XYLB: variants seen among roughly 807,000 people sequenced by gnomAD.
XYLB encodes the protein xylulose kinase.
XYLB carries 62 observed loss-of-function variants against 78.7 expected under a neutral mutation model. The ratio of observed to expected loss-of-function variants is 0.79; its 90% CI spans 0.64 to 0.97. The LOEUF is 0.97. XYLB is among the 50% of genes least tolerant of loss of function. The pLI is 0.00. For missense variants in XYLB, 687 were observed against 676.8 expected (o/e 1.02, Z -0.17); for synonymous variants, 245 against 247.4 (o/e 0.99, Z 0.09).
At chr3:38,435,170 A>T in the XYLB span, among the ~76,000 whole-genome samples, 5 of 152,336 alleles carry the variant, frequency 3.3e-5, no homozygotes, top group South Asian at 1.0e-3. Context: ...ATCAAACTGT[A>T]TGTTGCTTAC....
At chr3:38,428,486 T>C in the XYLB span, among the ~76,000 whole-genome samples, 2 of 152,214 alleles carry the variant, frequency 1.3e-5, no homozygotes, top group Non-Finnish European at 2.9e-5. Context: ...TTTCTTCATA[T>C]ACTTTGAGGT....
At chr3:38,372,384 C>G in intron 9 of XYLB, 4 of 985,178 alleles carry the variant, frequency 4.1e-6, no homozygotes, top group Non-Finnish European at 3.6e-6. Context: ...GGTTTGTTCT[C>G]TCTATCTTAA....
intron 3 of XYLB, 70 bp from the exon 4 acceptor site, chr3:38,362,867 C>A: frequency 7.4e-7 from 1 of 1,346,760 alleles, no homozygotes. Context: ...ACTTGCGTTT[C>A]AATTCTGAGG....
intron 15 of XYLB, among the ~76,000 whole-genome samples, chr3:38,380,459 T>C (rs1336950177): frequency 1.3e-5 from 2 of 152,226 alleles, no homozygotes. Flanking sequence ...CTCTGGGCTA[T>C]AGCTGTTGTC....
chr3:38,417,928 A>G (rs1437351235), downstream of XYLB, among the ~76,000 whole-genome samples: 2 of 151,122 alleles, frequency 1.3e-5, no homozygotes, highest in Non-Finnish European at 2.9e-5. Flanking sequence ...GTGGTGTCTC[A>G]TGTCTGTAAT....
At chr3:38,388,169 G>GT (rs71085320) in intron 15 of XYLB, among the ~76,000 whole-genome samples, 194 of 109,302 alleles carry the variant, frequency 1.8e-3, no homozygotes, top group African/African-American at 5.7e-3. Flanking sequence ...GTTTTTTTTT[G>GT]TTTTTTTTTT....
At chr3:38,395,122 G>C (rs1449012809) in intron 15 of XYLB, among the ~76,000 whole-genome samples, 1 of 152,202 alleles carries the variant, frequency 6.6e-6, no homozygotes, top group Non-Finnish European at 1.5e-5. Flanking sequence ...GGATTATGTG[G>C]AGGCCATTTT....
At chr3:38,393,084 A>G (rs1311300188) in intron 15 of XYLB, among the ~76,000 whole-genome samples, 1 of 152,168 alleles carries the variant, frequency 6.6e-6, no homozygotes, top group African/African-American at 2.4e-5. Flanking sequence ...CATTACTTGT[A>G]GTGCCCCCTT....
chr3:38,348,490 C>T, intron 1 of XYLB, 60 bp from the exon 2 acceptor site: 1 of 1,550,346 alleles, frequency 6.5e-7, no homozygotes, highest in Non-Finnish European at 8.9e-7. Context: ...GTTAGTACCC[C>T]CTGGACCAGT....
Position 38,360,378 on chromosome 3 carries a change from G to A in XYLB, c.180G>A (p.Thr60=), listed in dbSNP as rs144085897. 1.1e-5 allele frequency: 17 copies of A among 1,612,700 alleles called. No individual in the cohort carries two copies. The highest frequency in any genetic ancestry group is 6.7e-5 in the African/African-American group (5 of 74,870). Residue 60 remains threonine, a synonymous_variant, in exon 3 of 19, where the codon ACG becomes ACA. Transcript: ENST00000207870. ...GGVHVHKDGL[T]VTSPVLMWVQ... ...TTCATGTGCACAAGGATGGGCTGACGGTCACTTCTCCAGTACTAATGTGGG... is the reference window on the plus strand; with the variant it reads ...TTCATGTGCACAAGGATGGGCTGACAGTCACTTCTCCAGTACTAATGTGGG...
intron 2 of XYLB, among the ~76,000 whole-genome samples, chr3:38,351,593 T>G (rs1351104016): frequency 6.6e-6 from 1 of 152,198 alleles, no homozygotes; most frequent in Non-Finnish European, 1.5e-5. Flanking sequence ...AATATCTGTA[T>G]TCTTTCATGA....
At chr3:38,380,847 A>C (rs1707109806) in intron 15 of XYLB, among the ~76,000 whole-genome samples, 1 of 152,246 alleles carries the variant, frequency 6.6e-6, no homozygotes, top group Non-Finnish European at 1.5e-5. Flanking sequence ...TACTACACAC[A>C]AATGAAAATG....
chr3:38,384,255 G>A (rs143546580), intron 15 of XYLB, among the ~76,000 whole-genome samples: 13,201 of 152,076 alleles, frequency 0.087, 797 homozygotes, highest in Middle Eastern at 0.19. Context: ...TAGTAGAGAC[G>A]GGGTTTCACC....
chr3:38,384,425 T>C (rs1209006883), intron 15 of XYLB, among the ~76,000 whole-genome samples: 1 of 152,192 alleles, frequency 6.6e-6, no homozygotes, highest in African/African-American at 2.4e-5. Context: ...CTTGAATTAT[T>C]TCCCCAGGAG....
intron 3 of XYLB, among the ~76,000 whole-genome samples, chr3:38,361,067 A>G (rs1031375449): frequency 6.6e-6 from 1 of 152,208 alleles, no homozygotes; most frequent in African/African-American, 2.4e-5. Context: ...ATACAAACAT[A>G]GCCCTTAGGG....
the XYLB span, among the ~76,000 whole-genome samples, chr3:38,431,144 G>T: frequency 2.6e-5 from 4 of 152,172 alleles, no homozygotes; most frequent in Admixed American, 2.6e-4. Flanking sequence ...ATTACCTTGG[G>T]CAGTATGGCC....
At chr3:38,416,905 T>C (rs1166692986), downstream of XYLB, among the ~76,000 whole-genome samples, 1 of 152,246 alleles carries the variant, frequency 6.6e-6, no homozygotes, top group Non-Finnish European at 1.5e-5. Context: ...CCTTTTTCAT[T>C]GTTTCCGTTG....
intron 18 of XYLB, among the ~76,000 whole-genome samples, chr3:38,402,390 C>G (rs1179813767): frequency 2.6e-5 from 4 of 152,156 alleles, no homozygotes; most frequent in Admixed American, 2.6e-4. Flanking sequence ...TGTAGAAACA[C>G]TATGGAGAAT....
At chr3:38,347,923 C>T (rs566803170) in intron 1 of XYLB, among the ~76,000 whole-genome samples, 1 of 152,224 alleles carries the variant, frequency 6.6e-6, no homozygotes, top group Non-Finnish European at 1.5e-5. Flanking sequence ...GCAGTCAAAC[C>T]CCTCTTCTCG....
Sources: gnomAD v4.1 joint callset for allele counts (sites outside exome capture counted in the v4.1 genomes callset) on GRCh38, gnomAD v4.1.1 for gene constraint, MANE v1.5 for transcripts, NCBI Gene and HGNC (gene_info 2026-07-23, HGNC 2026-07-21) for gene names.